HTR2C: variants seen among roughly 807,000 people sequenced by gnomAD.
HTR2C encodes the protein 5-hydroxytryptamine receptor 2C.
Under a neutral mutation model 21.0 loss-of-function variants are expected in HTR2C, and 5 were observed. The ratio of observed to expected loss-of-function variants is 0.24; its 90% CI spans 0.12 to 0.50. The LOEUF is 0.50. HTR2C is among the 20% of genes least tolerant of loss of function. The pLI is 0.98. For synonymous variants in HTR2C, 150 were observed against 145.3 expected (o/e 1.03, Z -0.23); for missense variants, 271 against 371.2 (o/e 0.73, Z 2.22).
intron 5 of HTR2C, among the ~76,000 whole-genome samples, chrX:114,890,962 C>T (rs1425553270): frequency 9.0e-6 from 1 of 111,111 alleles, no homozygotes; most frequent in African/African-American, 3.3e-5. Flanking sequence ...CAAATTATAC[C>T]TATATTAAGC....
intron 4 of HTR2C, among the ~76,000 whole-genome samples, chrX:114,793,913 G>A (rs1223186543): frequency 1.8e-5 from 2 of 110,463 alleles, no homozygotes; most frequent in East Asian, 5.7e-4. Flanking sequence ...TCAGTATAGA[G>A]TAAGTTAGAT....
At chrX:114,797,094 G>C (rs1378344304) in intron 4 of HTR2C, among the ~76,000 whole-genome samples, 2 of 111,560 alleles carry the variant, frequency 1.8e-5, no homozygotes, top group East Asian at 5.6e-4. Flanking sequence ...GCTGGAAAAA[G>C]GTTGTGATGC....
intron 4 of HTR2C, among the ~76,000 whole-genome samples, chrX:114,798,491 A>G (rs2070315816): frequency 8.9e-6 from 1 of 111,760 alleles, no homozygotes; most frequent in South Asian, 3.7e-4. Context: ...GTATTTTAGC[A>G]TGCTTTAAAC....
chrX:114,609,413 G>T (rs781926972), intron 1 of HTR2C, among the ~76,000 whole-genome samples: 1 of 111,122 alleles, frequency 9.0e-6, no homozygotes, highest in Non-Finnish European at 1.9e-5. Flanking sequence ...AATCGTTTTC[G>T]TTATCTGCAT....
chrX:114,690,016 A>C (rs2147860015), intron 2 of HTR2C, among the ~76,000 whole-genome samples: 1 of 111,619 alleles, frequency 9.0e-6, no homozygotes, highest in East Asian at 2.8e-4. Flanking sequence ...TTTTCAATTC[A>C]AATAATAGGA....
At chrX:114,613,112 A>AT (rs1238963788) in intron 1 of HTR2C, among the ~76,000 whole-genome samples, 1 of 108,820 alleles carries the variant, frequency 9.2e-6, no homozygotes, top group South Asian at 4.1e-4. Flanking sequence ...TAATTTTTGT[A>AT]TTTTTTAGTA....
chrX:114,816,820 C>G (rs2070589579), intron 4 of HTR2C, among the ~76,000 whole-genome samples: 1 of 110,391 alleles, frequency 9.1e-6, no homozygotes, highest in African/African-American at 3.3e-5. Context: ...CTTCTCATCT[C>G]ATCTCACATA....
chrX:114,709,958 G>C (rs1247218098), intron 2 of HTR2C, among the ~76,000 whole-genome samples: 1 of 111,706 alleles, frequency 9.0e-6, no homozygotes, highest in African/African-American at 3.3e-5. Context: ...ATAAACTAGT[G>C]AGACACTGAT....
At chrX:114,689,315 CAT>C (rs1298079957) in intron 2 of HTR2C, among the ~76,000 whole-genome samples, 9 of 105,941 alleles carry the variant, frequency 8.5e-5, no homozygotes, top group Non-Finnish European at 1.2e-4. Context: ...CTGCTATAAA[CAT>C]GTGTGTGCAA....
chrX:114,739,138 C>G (rs1451083536), intron 4 of HTR2C, among the ~76,000 whole-genome samples: 1 of 110,647 alleles, frequency 9.0e-6, no homozygotes, highest in African/African-American at 3.3e-5. Context: ...ATTGATATTA[C>G]TTTTTTACTG....
intron 4 of HTR2C, among the ~76,000 whole-genome samples, chrX:114,795,519 T>A (rs1161762033): frequency 2.7e-5 from 3 of 111,886 alleles, no homozygotes; most frequent in Non-Finnish European, 5.6e-5. Context: ...AAGTCTTTAA[T>A]CTATCTTGAA....
chrX:114,727,257 A>G (rs2069491406), intron 3 of HTR2C, among the ~76,000 whole-genome samples: 1 of 112,309 alleles, frequency 8.9e-6, no homozygotes, highest in African/African-American at 3.2e-5. Flanking sequence ...TACTTTTTCC[A>G]TGGGTAAAAC....
rs12392637 is a variant in HTR2C at position 114,795,335 on chromosome X, G to A, written c.350-52668G>A. ...AGGTTGCCTGTTCACTCTGATGGTAGTTTCTTTTGCTGTGCAGAAGCTCTT... is the reference window on the plus strand; with the variant it reads ...AGGTTGCCTGTTCACTCTGATGGTAATTTCTTTTGCTGTGCAGAAGCTCTT... On this transcript the variant is annotated intron_variant, in intron 4 of 5. Transcript: ENST00000276198. Among the ~76,000 whole-genome samples the A allele has an allele frequency of 6.9e-3, 767 of 110,745 alleles. 4 individuals carry two copies. Among genetic ancestry groups the A allele is most frequent in the African/African-American group, 0.023 (709 of 30,548 alleles).
At chrX:114,876,886 A>G (rs193278896) in intron 5 of HTR2C, among the ~76,000 whole-genome samples, 1 of 111,159 alleles carries the variant, frequency 9.0e-6, no homozygotes, top group East Asian at 2.8e-4. Flanking sequence ...TGCTCATCAA[A>G]GATATTGGCC....
At chrX:114,614,537 G>A (rs902127373) in intron 2 of HTR2C, among the ~76,000 whole-genome samples, 3 of 110,994 alleles carry the variant, frequency 2.7e-5, no homozygotes, top group Non-Finnish European at 5.7e-5. Context: ...TGGGATTACA[G>A]GCGTGAACCA....
intron 2 of HTR2C, among the ~76,000 whole-genome samples, chrX:114,673,218 A>G (rs1326001890): frequency 1.8e-5 from 2 of 112,399 alleles, no homozygotes; most frequent in Non-Finnish European, 3.8e-5. Flanking sequence ...GTTTGGAATG[A>G]ACTTTAATTA....
At chrX:114,638,571 T>C (rs1314212981) in intron 2 of HTR2C, among the ~76,000 whole-genome samples, 47 of 107,369 alleles carry the variant, frequency 4.4e-4, no homozygotes, top group Non-Finnish European at 1.9e-4. Context: ...CATGTGCACA[T>C]TGTGCAGGTT....
At chrX:114,881,668 T>C (rs782189109) in intron 5 of HTR2C, among the ~76,000 whole-genome samples, 6 of 110,752 alleles carry the variant, frequency 5.4e-5, no homozygotes, top group African/African-American at 9.8e-5. Context: ...TGTTTACTTG[T>C]AGCCTCTCAA....
At chrX:114,798,863 A>G (rs1475209807) in intron 4 of HTR2C, among the ~76,000 whole-genome samples, 1 of 111,119 alleles carries the variant, frequency 9.0e-6, no homozygotes, top group African/African-American at 3.3e-5. Context: ...CTCCTAAAAC[A>G]TTAGGAAACA....
Sources: allele counts gnomAD v4.1 joint callset (sites outside exome capture counted in the v4.1 genomes callset), GRCh38; gene constraint gnomAD v4.1.1; transcripts MANE v1.5; gene names NCBI Gene and HGNC (gene_info 2026-07-23, HGNC 2026-07-21).